Variants in KAZN observed in about 807,000 individuals in gnomAD.
The protein encoded by KAZN is kazrin, periplakin interacting protein, also known as kazrin.
Under a neutral mutation model 87.4 loss-of-function variants are expected in KAZN, and 40 were observed. The observed-to-expected ratio is 0.46, with a 90% CI of 0.36 to 0.60. KAZN has a LOEUF of 0.60. Among genes scored for constraint, KAZN ranks in the 20% least tolerant of loss-of-function variants. KAZN has a pLI of 0.00. For missense variants in KAZN, 898 were observed against 1,073.9 expected, an observed-to-expected ratio of 0.84 and a Z score of 2.29; for synonymous variants, 466 against 458.3, an observed-to-expected ratio of 1.02 and a Z score of -0.22.
chr1:13,989,222 G>A (rs941403589), intron 1 of KAZN, among the ~76,000 whole-genome samples: 1 of 152,096 alleles, frequency 6.6e-6, no homozygotes, highest in African/African-American at 2.4e-5. Context: ...ACTATTGCAT[G>A]GGGATATTAT....
intron 1 of KAZN, among the ~76,000 whole-genome samples, chr1:14,827,078 G>A (rs1458257428): frequency 1.3e-5 from 2 of 152,118 alleles, no homozygotes. Context: ...GTGGATGTTG[G>A]ATGCCTTTCC....
intron 2 of KAZN, among the ~76,000 whole-genome samples, chr1:14,535,112 C>A (rs182710751): frequency 6.6e-6 from 1 of 152,278 alleles, no homozygotes; most frequent in East Asian, 1.9e-4. Context: ...GCCACCTAGT[C>A]CATTGTCTCC....
At chr1:14,071,717 C>T (rs565387888) in intron 1 of KAZN, among the ~76,000 whole-genome samples, 6 of 152,280 alleles carry the variant, frequency 3.9e-5, no homozygotes, top group Middle Eastern at 3.4e-3. Flanking sequence ...GGTGGAAGGG[C>T]ATGAAGGATG....
intron 1 of KAZN, among the ~76,000 whole-genome samples, chr1:14,943,675 A>G (rs1661403710): frequency 6.6e-6 from 1 of 152,252 alleles, no homozygotes; most frequent in Non-Finnish European, 1.5e-5. Flanking sequence ...TGACCTGCTC[A>G]AGATCACTTG....
At chr1:14,897,462 A>G (rs996493567) in intron 1 of KAZN, among the ~76,000 whole-genome samples, 2 of 152,182 alleles carry the variant, frequency 1.3e-5, no homozygotes, top group Non-Finnish European at 2.9e-5. Context: ...GGACCCCAAT[A>G]AGCTTTGGTT....
At chr1:15,017,819 T>A (rs905630440) in intron 2 of KAZN, among the ~76,000 whole-genome samples, 2 of 151,560 alleles carry the variant, frequency 1.3e-5, no homozygotes, top group East Asian at 3.9e-4. Flanking sequence ...AAAAAAAGCC[T>A]TAGAATTCTG....
At chr1:14,528,964 C>A (rs1052747547) in intron 2 of KAZN, among the ~76,000 whole-genome samples, 6 of 152,082 alleles carry the variant, frequency 3.9e-5, no homozygotes, top group Non-Finnish European at 5.9e-5. Context: ...TCCCACCCCC[C>A]ATTCCAGTTA....
chr1:14,765,042 C>T (rs1347972401), intron 1 of KAZN, among the ~76,000 whole-genome samples: 2 of 152,212 alleles, frequency 1.3e-5, no homozygotes, highest in Admixed American at 6.5e-5. Flanking sequence ...ATCTCCTCCT[C>T]CAGGCTCCAA....
intron 1 of KAZN, among the ~76,000 whole-genome samples, chr1:13,914,599 G>A (rs1414882330): frequency 6.6e-6 from 1 of 152,190 alleles, no homozygotes; most frequent in African/African-American, 2.4e-5. Context: ...AGCTGACCAT[G>A]GAGAGATTTT....
chr1:13,981,093 A>ATATATATATG (rs1553181088), intron 1 of KAZN, among the ~76,000 whole-genome samples: 1 of 78,152 alleles, frequency 1.3e-5, no homozygotes, highest in Admixed American at 1.6e-4. Flanking sequence ...TACTCTTTAT[A>ATATATATATG]TATATATATA....
At chr1:14,871,835 G>A (rs1652175803) in intron 1 of KAZN, among the ~76,000 whole-genome samples, 1 of 152,100 alleles carries the variant, frequency 6.6e-6, no homozygotes, top group Admixed American at 6.5e-5. Flanking sequence ...AGCCCCACGT[G>A]AGTCTCAGTG....
At chr1:14,055,308 G>T (rs900225344) in intron 1 of KAZN, among the ~76,000 whole-genome samples, 4 of 152,230 alleles carry the variant, frequency 2.6e-5, no homozygotes, top group African/African-American at 9.6e-5. Flanking sequence ...CTCAATAAAT[G>T]TAAGTGGCAG....
chr1:14,341,930 G>A (rs1299185390), intron 2 of KAZN, among the ~76,000 whole-genome samples: 5 of 152,094 alleles, frequency 3.3e-5, no homozygotes, highest in African/African-American at 1.2e-4. Flanking sequence ...CATCACCCAG[G>A]TATTAAGCCT....
At chr1:15,080,513 C>A (rs1639948226) in intron 8 of KAZN, among the ~76,000 whole-genome samples, 1 of 152,182 alleles carries the variant, frequency 6.6e-6, no homozygotes, top group Non-Finnish European at 1.5e-5. Context: ...GCTCTTCACA[C>A]CCACGCTGTC....
At chr1:14,819,781 C>T (rs1198972036) in intron 1 of KAZN, among the ~76,000 whole-genome samples, 1 of 146,774 alleles carries the variant, frequency 6.8e-6, no homozygotes, top group Admixed American at 7.0e-5. Context: ...GGTATCGGCT[C>T]ATTGCAACCT....
chr1:14,256,073 G>A (rs950856447), intron 2 of KAZN, among the ~76,000 whole-genome samples: 1 of 152,118 alleles, frequency 6.6e-6, no homozygotes, highest in South Asian at 2.1e-4. Flanking sequence ...TAAAATGATT[G>A]TTACTCTTTA....
At chr1:14,748,490 T>C (rs997370176) in intron 1 of KAZN, among the ~76,000 whole-genome samples, 1 of 152,180 alleles carries the variant, frequency 6.6e-6, no homozygotes, top group Non-Finnish European at 1.5e-5. Flanking sequence ...TATTATCTCT[T>C]TGTGCCTCCG....
At position 14,221,973 on chromosome 1, in the gene KAZN, C is replaced by T. The variant is rs529865955; in HGVS notation, c.249+41381C>T. 5.3e-4 allele frequency: 81 copies of T among 152,138 alleles called. 1 individual carries two copies. The highest frequency in any genetic ancestry group is 4.1e-3 in the Admixed American group (62 of 15,274). The allele number at this position is 152,138 out of a possible 1,614,324, so 9.4% of individuals were successfully genotyped here. A position where few individuals can be genotyped will look rare whatever the true frequency, so the allele number is the denominator to read the frequency against. ...TAAGAAAACAAAGCAGCTTGTGATT[C>T]GTGATGTTTGGGGTTTCTTTTGAAA... On this transcript the variant is annotated intron_variant, in intron 2 of 16. Transcript: ENST00000636203.
intron 2 of KAZN, among the ~76,000 whole-genome samples, chr1:14,325,435 T>C (rs1300514241): frequency 6.6e-6 from 1 of 152,186 alleles, no homozygotes; most frequent in Non-Finnish European, 1.5e-5. Flanking sequence ...GTCACTCAAA[T>C]AGTGTTCATC....
Sources: allele counts gnomAD v4.1 joint callset (sites outside exome capture counted in the v4.1 genomes callset), GRCh38; gene constraint gnomAD v4.1.1; transcripts MANE v1.5; gene names NCBI Gene and HGNC (gene_info 2026-07-23, HGNC 2026-07-21).